The following RADIL variants were observed in gnomAD, a reference collection of about 807,000 sequenced individuals.
RADIL encodes ras-associating and dilute domain-containing protein.
In RADIL, 99 loss-of-function variants were observed where a neutral mutation model predicts 97.6. That is an observed-to-expected ratio of 1.01 (90% CI 0.86 to 1.20). RADIL has a LOEUF of 1.20. Among genes scored for constraint, RADIL ranks in the 50% most tolerant of loss-of-function variants. The pLI, the probability that RADIL is intolerant of heterozygous loss-of-function variation, is 0.00. For synonymous variants in RADIL, 803 were observed against 691.8 expected (o/e 1.16, Z -2.52); for missense variants, 1,765 against 1,498.9 (o/e 1.18, Z -2.93).
chr7:4,869,720 G>C (rs1784210667), intron 2 of RADIL, among the ~76,000 whole-genome samples: 1 of 152,054 alleles, frequency 6.6e-6, no homozygotes, highest in Non-Finnish European at 1.5e-5. Context: ...AAACCACATA[G>C]TTTCAATCAC....
rs1399135294 is a variant in RADIL, at chr7:4,873,756, G to A, written c.535+3849C>T. On this transcript the variant is annotated intron_variant, in intron 2 of 14. Coordinates refer to ENST00000399583, the MANE Select transcript of RADIL (RefSeq NM_018059.5). This position sits in a 1 kb window ranked among gnomAD's most constrained non-coding sequence, Gnocchi z 4.3. ...CAGCCCCATCGGTGCCCAGGGAGGC[G>A]CAGGACAGGCGGGCTGCTGGAAGGC... Among the ~76,000 whole-genome samples the A allele has an allele frequency of 3.3e-5, 5 of 152,216 alleles. No individual in the cohort carries two copies. Among genetic ancestry groups the A allele is most frequent in the Non-Finnish European group, 5.9e-5 (4 of 68,036 alleles).
intron 2 of RADIL, among the ~76,000 whole-genome samples, chr7:4,863,188 A>AT (rs1450827753): frequency 1.3e-5 from 2 of 152,210 alleles, no homozygotes; most frequent in East Asian, 3.8e-4. Context: ...TTTAAGCATC[A>AT]TTGAAATATC....
intron 13 of RADIL, 73 bp downstream of exon 13, chr7:4,800,098 C>CGGCCAGGCTTGCATGAACAGGTGG (rs1782030058): frequency 2.0e-6 from 3 of 1,518,320 alleles, no homozygotes. Context: ...ACGCAAGCTG[C>CGGCCAGGCTTGCATGAACAGGTGG]GGCCAGGCTT....
chr7:4,860,193 T>C lies in RADIL; in HGVS notation c.535+17412A>G, dbSNP rs536617199. The stretch of plus-strand genomic sequence containing the variant: ...AATGGGCCTGTCTTCATAGTGCTAG[T>C]AGATGAAGGCACAGACATGCTGTTT... On this transcript the variant is annotated intron_variant, in intron 2 of 14. Coordinates refer to ENST00000399583, the MANE Select transcript of RADIL (RefSeq NM_018059.5). 16 of 1,614,058 alleles carry C rather than the reference T, an allele frequency of 9.9e-6. No homozygotes were observed. The East Asian group carries it at 3.3e-4, about 34-fold the overall frequency.
intron 1 of RADIL, among the ~76,000 whole-genome samples, chr7:4,881,895 C>A (rs79238249): frequency 0.023 from 3,454 of 152,208 alleles, 137 homozygotes; most frequent in African/African-American, 0.08. Flanking sequence ...ACTGCTAGGT[C>A]TCCTCCCAGG....
At chr7:4,844,179 G>A (rs1166150928) in intron 2 of RADIL, among the ~76,000 whole-genome samples, 1 of 152,150 alleles carries the variant, frequency 6.6e-6, no homozygotes, top group Non-Finnish European at 1.5e-5. Context: ...AGGCGCAGTG[G>A]CCAACACCTG....
At position 4,816,220 on chromosome 7, in the gene RADIL, G is replaced by C. The variant is rs750947952; in HGVS notation, c.1966+8C>G. 3.1e-6 allele frequency: 5 copies of C among 1,605,514 alleles called. No individual in the cohort carries two copies. The South Asian group carries it at 5.5e-5, about 18-fold the overall frequency. On this transcript the variant is annotated splice_region_variant and intron_variant, in intron 8 of 14. Transcript: ENST00000399583. ...CCCCGACCCCTCAACCCTGCACGAG[G>C]CCCTCACCCCTGTCGAGGAGCTGGT... is the stretch of plus-strand genomic sequence containing the variant.
At chr7:4,827,577 C>A (rs576382826) in intron 5 of RADIL, among the ~76,000 whole-genome samples, 2 of 152,226 alleles carry the variant, frequency 1.3e-5, no homozygotes, top group East Asian at 3.9e-4. Context: ...AGGAGAATGG[C>A]GTGAACCCAG....
intron 2 of RADIL, among the ~76,000 whole-genome samples, chr7:4,856,926 C>A (rs1783846822): frequency 6.6e-6 from 1 of 152,242 alleles, no homozygotes; most frequent in South Asian, 2.1e-4. Flanking sequence ...AGTTAAGTAG[C>A]TGTGACAGAG....
At chr7:4,860,444 T>C in intron 2 of RADIL, 1 of 1,614,204 alleles carries the variant, frequency 6.2e-7, no homozygotes, top group Non-Finnish European at 8.5e-7. Flanking sequence ...ATAGGTGAGA[T>C]CAATGCTGAG....
rs1014937033 is a variant in RADIL at position 4,835,968 on chromosome 7, T to C, written c.783+390A>G. On this transcript the variant is annotated intron_variant, in intron 3 of 14. Transcript: ENST00000399583. The surrounding 1 kb of genome is among the most constrained non-coding windows in gnomAD (Gnocchi z 5.8). ...CCCCTTCAGAGAATGTGGCCACCAA[T>C]TGGTGACTCAGCAGCCCCCTCGCCA... Among the ~76,000 whole-genome samples, 20 of 152,162 alleles carry C rather than the reference T, an allele frequency of 1.3e-4. No individual in the cohort carries two copies. The highest frequency in any genetic ancestry group is 3.4e-4 in the African/African-American group (14 of 41,458).
Position 4,835,361 on chromosome 7 carries a change from T to A in RADIL, c.784-122A>T. The stretch of plus-strand genomic sequence containing the variant: ...GGATGCTGTCGCCACGGGCTCTCCA[T>A]GTCCCTGGCCACCCCCACACCAGAA... On this transcript the variant is annotated intron_variant, in intron 3 of 14. Transcript: ENST00000399583. This position sits in a 1 kb window ranked among gnomAD's most constrained non-coding sequence, Gnocchi z 5.8. 1 of 1,276,532 alleles carries A rather than the reference T, an allele frequency of 7.8e-7. No individual in the cohort carries two copies. Among genetic ancestry groups the A allele is most frequent in the South Asian group, 1.4e-5 (1 of 70,168 alleles). 79.1% of individuals were successfully genotyped at this position (1,276,532 alleles called of 1,614,324 possible).
rs1782706594 is a variant in RADIL, at chr7:4,817,456, G to A, written c.1616-105C>T. 15 of 969,924 alleles carry A rather than the reference G, an allele frequency of 1.5e-5. No individual in the cohort carries two copies. Among genetic ancestry groups the A allele is most frequent in the East Asian group, 5.4e-5 (2 of 36,788 alleles). 60.1% of individuals were successfully genotyped at this position (969,924 alleles called of 1,614,324 possible). A position where few individuals can be genotyped will look rare whatever the true frequency, so the allele number is the denominator to read the frequency against. On this transcript the variant is annotated intron_variant, in intron 6 of 14. Transcript: ENST00000399583. The surrounding 1 kb of genome is among the most constrained non-coding windows in gnomAD (Gnocchi z 8.3). Reference sequence around the variant, plus strand: ...TTCCCTGGCGCGGGCACCACCCAACGCGCCCATCTGGGGTCCAGATGCGAT... The same window carrying A: ...TTCCCTGGCGCGGGCACCACCCAACACGCCCATCTGGGGTCCAGATGCGAT...
At chr7:4,807,876 A>C (rs1040996230) in intron 9 of RADIL, among the ~76,000 whole-genome samples, 35 of 4,410 alleles carry the variant, frequency 7.9e-3, no homozygotes, top group Non-Finnish European at 1.0e-2. Context: ...TCTCCCCCCC[A>C]TCTCTCTCCC....
At chr7:4,846,828 T>A (rs979904327) in intron 2 of RADIL, among the ~76,000 whole-genome samples, 1 of 152,144 alleles carries the variant, frequency 6.6e-6, no homozygotes. Context: ...ATTATAGGCA[T>A]GAGCCACCGT....
intron 9 of RADIL, among the ~76,000 whole-genome samples, chr7:4,811,014 G>A (rs1048821634): frequency 1.3e-5 from 2 of 152,114 alleles, no homozygotes; most frequent in Non-Finnish European, 2.9e-5. Context: ...GCACATGCCT[G>A]TAACCCCAGC....
chr7:4,843,484 C>T (rs1464785890), intron 2 of RADIL, among the ~76,000 whole-genome samples: 3 of 152,208 alleles, frequency 2.0e-5, no homozygotes, highest in African/African-American at 7.2e-5. Context: ...GACCATCAAG[C>T]AGTCCTTGAA....
intron 2 of RADIL, among the ~76,000 whole-genome samples, chr7:4,870,432 TTTTTG>T (rs530175860): frequency 2.0e-5 from 3 of 152,104 alleles, no homozygotes; most frequent in East Asian, 3.9e-4. Context: ...TTAACGTGGT[TTTTTG>T]TTTTGTTTTG....
At chr7:4,882,934 C>T (rs1021961222) in intron 1 of RADIL, among the ~76,000 whole-genome samples, 2 of 152,138 alleles carry the variant, frequency 1.3e-5, no homozygotes, top group Non-Finnish European at 2.9e-5. Context: ...TCCGCAGCCC[C>T]GCCAGGGCCC....
Sources: gnomAD v4.1 joint callset for allele counts (sites outside exome capture counted in the v4.1 genomes callset) on GRCh38, gnomAD v4.1.1 for gene constraint, Gnocchi (gnomAD v3.1) non-coding constraint, MANE v1.5 for transcripts, NCBI Gene and HGNC (gene_info 2026-07-23, HGNC 2026-07-21) for gene names.